ANKS3: variants seen among roughly 807,000 people sequenced by gnomAD.
ANKS3 encodes the protein ankyrin repeat and sterile alpha motif domain containing 3.
A neutral mutation model predicts 80.7 loss-of-function variants in ANKS3; 62 were observed. The observed-to-expected ratio is 0.77, with a 90% confidence interval of 0.63 to 0.95. ANKS3 has a LOEUF of 0.95. Ranked by LOEUF, ANKS3 falls within the 40% of genes least tolerant of loss-of-function variation. ANKS3 has a pLI of 0.00. For synonymous variants in ANKS3, 489 were observed against 355.3 expected, an observed-to-expected ratio of 1.38 and a Z score of -4.23; for missense variants, 1,150 against 883.6, an observed-to-expected ratio of 1.30 and a Z score of -3.82.
At chr16:4,711,183 A>C (rs1207946331) in intron 7 of ANKS3, among the ~76,000 whole-genome samples, 4 of 141,928 alleles carry the variant, frequency 2.8e-5, no homozygotes, top group East Asian at 4.2e-4. Flanking sequence ...GGCTCACCTC[A>C]ACCTCTGCCT....
chr16:4,717,866 G>A (rs2080883469), intron 6 of ANKS3, among the ~76,000 whole-genome samples: 1 of 151,924 alleles, frequency 6.6e-6, no homozygotes, highest in South Asian at 2.1e-4. Flanking sequence ...CGCAATCTCG[G>A]CTCACTGCAA....
chr16:4,734,078 C>A lies in ANKS3; in HGVS notation c.-211G>T. On this transcript the variant is annotated 5_prime_UTR_variant, in exon 1 of 18. Transcript: ENST00000304283. Reference sequence around the variant, plus strand: ...CCAGTCACGCGGCGAGCAAGTGCAGCGCGGGACGCCCGAGCGCCGGGTCTA... The same window carrying A: ...CCAGTCACGCGGCGAGCAAGTGCAGAGCGGGACGCCCGAGCGCCGGGTCTA... 1 of 964,336 alleles carries A rather than the reference C, an allele frequency of 1.0e-6. No homozygotes were observed. Among genetic ancestry groups the A allele is most frequent in the Non-Finnish European group, 1.2e-6 (1 of 810,676 alleles). The allele number at this position is 964,336 out of a possible 1,614,324, so 59.7% of individuals were successfully genotyped here. A position where few individuals can be genotyped will look rare whatever the true frequency, so the allele number is the denominator to read the frequency against.
At position 4,733,922 on chromosome 16, in the gene ANKS3, C is replaced by G. The variant is rs2081808041; in HGVS notation, c.-71+16G>C. 8.1e-6 allele frequency: 8 copies of G among 985,500 alleles called. No individual in the cohort carries two copies. Among genetic ancestry groups the G allele is most frequent in the Non-Finnish European group, 9.6e-6 (8 of 829,976 alleles). The allele number at this position is 985,500 out of a possible 1,614,324, so 61.0% of individuals were successfully genotyped here. ...GGCCCCGGGGCGGGTCCCTGGCCGA[C>G]AAACCCGTAACTCACAGCAGTGACG... On this transcript the variant is annotated intron_variant, in intron 1 of 17. Coordinates refer to ENST00000304283, the MANE Select transcript of ANKS3 (RefSeq NM_133450.4).
chr16:4,699,674 C>T, intron 11 of ANKS3: 1 of 172,112 alleles, frequency 5.8e-6, no homozygotes, highest in Non-Finnish European at 1.3e-5. Context: ...TGCTCTCCTT[C>T]TGGAATGCCA....
chr16:4,697,655 G>C (rs1179505679), intron 15 of ANKS3, among the ~76,000 whole-genome samples: 1 of 152,236 alleles, frequency 6.6e-6, no homozygotes, highest in Non-Finnish European at 1.5e-5. Context: ...AGCTCTGCCG[G>C]TGGGGACCCG....
intron 7 of ANKS3, among the ~76,000 whole-genome samples, chr16:4,706,457 G>T (rs548352036): frequency 5.9e-5 from 9 of 152,182 alleles, no homozygotes; most frequent in Admixed American, 2.6e-4. Flanking sequence ...GGCTGGTCTC[G>T]ATCTCCTGAC....
At chr16:4,713,986 C>A in intron 7 of ANKS3, 65 bp downstream of exon 7, 1 of 1,578,390 alleles carries the variant, frequency 6.3e-7, no homozygotes, top group Non-Finnish European at 8.6e-7. Context: ...TCTTTCTCTG[C>A]CAGGTCACCT....
At chr16:4,707,648 C>A (rs564512931) in intron 7 of ANKS3, among the ~76,000 whole-genome samples, 2 of 152,002 alleles carry the variant, frequency 1.3e-5, no homozygotes, top group Admixed American at 1.3e-4. Flanking sequence ...AAATCTGTCA[C>A]CAAAAAATGC....
intron 6 of ANKS3, among the ~76,000 whole-genome samples, chr16:4,720,520 G>T (rs952526513): frequency 2.0e-5 from 3 of 150,380 alleles, no homozygotes; most frequent in South Asian, 2.1e-4. Flanking sequence ...GACCACTATG[G>T]AACAAAGCAA....
At chr16:4,702,497 G>C (rs1053702015) in intron 8 of ANKS3, among the ~76,000 whole-genome samples, 7 of 152,296 alleles carry the variant, frequency 4.6e-5, no homozygotes, top group East Asian at 1.9e-4. Context: ...TCTTTTCCAA[G>C]GGGAAAACGT....
chr16:4,707,330 G>A (rs913022182), intron 7 of ANKS3, among the ~76,000 whole-genome samples: 3 of 146,734 alleles, frequency 2.0e-5, no homozygotes, highest in South Asian at 2.2e-4. Flanking sequence ...CACCTAGGCT[G>A]GAGTGCAGTG....
intron 5 of ANKS3, among the ~76,000 whole-genome samples, chr16:4,725,743 T>C (rs1273859169): frequency 6.6e-6 from 1 of 152,136 alleles, no homozygotes; most frequent in Non-Finnish European, 1.5e-5. Flanking sequence ...CACTGCAACC[T>C]CTGCCTTCTG....
At chr16:4,724,722 T>C in intron 6 of ANKS3, 28 bp downstream of exon 6, 1 of 1,602,082 alleles carries the variant, frequency 6.2e-7, no homozygotes, top group Non-Finnish European at 8.5e-7. Context: ...CGTGACTACA[T>C]TACATGCTAA....
At chr16:4,697,801 G>C (rs965854761) in intron 15 of ANKS3, among the ~76,000 whole-genome samples, 176 bp downstream of exon 15, 6 of 152,204 alleles carry the variant, frequency 3.9e-5, no homozygotes, top group Non-Finnish European at 7.4e-5. Context: ...GTGAGGAAGT[G>C]GGCTTGGGTC....
intron 10 of ANKS3, 25 bp downstream of exon 10, chr16:4,701,409 A>G (rs373467025): frequency 1.1e-3 from 1,775 of 1,573,630 alleles, no homozygotes; most frequent in Non-Finnish European, 1.4e-3. Context: ...CGGCTATGGG[A>G]GACCAAGAAA....
chr16:4,721,772 G>T (rs907321506), intron 6 of ANKS3, among the ~76,000 whole-genome samples: 2 of 151,016 alleles, frequency 1.3e-5, no homozygotes, highest in African/African-American at 4.8e-5. Context: ...CCAAGTAGCT[G>T]GGATTACAGC....
rs1057371708 is a variant in ANKS3 at position 4,727,118 on chromosome 16, G to A, written c.230C>T (p.Ser77Phe). 1 of 1,614,078 alleles carries A rather than the reference G, an allele frequency of 6.2e-7. No homozygotes were observed. Among genetic ancestry groups the A allele is most frequent in the African/African-American group, 1.3e-5 (1 of 74,926 alleles). The change falls in exon 4 of 18, where the codon TCC becomes TTC. Residue 77 changes from serine (S) to phenylalanine (F), a missense_variant. Ser to Phe is a radical substitution (Grantham distance 155). Transcript: ENST00000304283. Reference sequence around the variant, plus strand: ...CACGATTGTGTCGTGGCCAATGTAGGAGGCATACATCAGCGGGGTCCAGCC... The same window carrying A: ...CACGATTGTGTCGTGGCCAATGTAGAAGGCATACATCAGCGGGGTCCAGCC... ...GGGWTPLMYASYIGHDTIVHL... is the reference protein window; with the variant it reads ...GGGWTPLMYAFYIGHDTIVHL...
Position 4,698,001 on chromosome 16 carries a change from G to C in ANKS3, c.1786C>G (p.Leu596Val), listed in dbSNP as rs1434241566. 1.2e-6 allele frequency: 2 copies of C among 1,604,670 alleles called. No individual in the cohort carries two copies. Among genetic ancestry groups the C allele is most frequent in the African/African-American group, 1.3e-5 (1 of 74,946 alleles). ...CCAGCTGGGGGGACGGCTAGGCCCA[G>C]AGTGGCTGCACCAGGGGGCTGGTCC... ...RQDQPPGAAT[L>V]GLAVPPADSK... The change falls in exon 15 of 18, where the codon CTG (leucine) becomes GTG (valine). Residue 596 changes from leucine to valine, a missense_variant. Transcript: ENST00000304283.
chr16:4,697,533 C>A, intron 15 of ANKS3, 117 bp from the exon 16 acceptor site: 1 of 817,938 alleles, frequency 1.2e-6, no homozygotes, highest in Non-Finnish European at 1.8e-6. Context: ...CCCTACCCGC[C>A]TGACAGTGTC....
Sources: allele counts gnomAD v4.1 joint callset (sites outside exome capture counted in the v4.1 genomes callset), GRCh38; gene constraint gnomAD v4.1.1; transcripts MANE v1.5; gene names NCBI Gene and HGNC (gene_info 2026-07-23, HGNC 2026-07-21).